The following CRAMP1 variants were observed in gnomAD, a reference collection of about 807,000 sequenced individuals.
CRAMP1 encodes the protein protein cramped-like.
Under a neutral mutation model 115.4 loss-of-function variants are expected in CRAMP1, and 50 were observed. That is an observed-to-expected ratio of 0.43 (90% CI 0.35 to 0.55). The LOEUF is 0.55. Among genes scored for constraint, CRAMP1 ranks in the 20% least tolerant of loss-of-function variants. The pLI, the probability that CRAMP1 is intolerant of heterozygous loss-of-function variation, is 0.01. For synonymous variants in CRAMP1, 866 were observed against 745.4 expected (o/e 1.16, Z -2.64); for missense variants, 1,679 against 1,721.7 (o/e 0.98, Z 0.44).
chr16:1,649,456 G>C (rs1294562215), intron 6 of CRAMP1, among the ~76,000 whole-genome samples: 1 of 145,698 alleles, frequency 6.9e-6, no homozygotes, highest in Non-Finnish European at 1.5e-5. Flanking sequence ...TGCCAATTGG[G>C]ACCTCACTGT....
In CRAMP1 at chr16:1,671,707, G is replaced by A. The variant is rs1279972430; in HGVS notation, c.3645+898G>A. 2.0e-5 allele frequency among the ~76,000 whole-genome samples: 3 copies of A among 152,288 alleles called. No homozygotes were observed. The highest frequency in any genetic ancestry group is 1.9e-4 in the East Asian group (1 of 5,170). ...TTGGCAGGTGTTCCTTGAGGATTTT[G>A]TGGGTAGATACTTGAGGGACACCCT... is the stretch of plus-strand genomic sequence containing the variant. On this transcript the variant is annotated intron_variant, in intron 20 of 20. Transcript: ENST00000397412. This position sits in a 1 kb window ranked among gnomAD's most constrained non-coding sequence, Gnocchi z 5.0.
At chr16:1,659,076 G>A (rs146114173) in intron 10 of CRAMP1, among the ~76,000 whole-genome samples, 6 of 152,320 alleles carry the variant, frequency 3.9e-5, no homozygotes, top group African/African-American at 1.4e-4. Context: ...AACCCCCAAA[G>A]TTGGGCTTCA....
At chr16:1,664,843 A>G (rs2036860314) in intron 13 of CRAMP1, among the ~76,000 whole-genome samples, 1 of 151,304 alleles carries the variant, frequency 6.6e-6, no homozygotes, top group Non-Finnish European at 1.5e-5. Context: ...GGGTTTGATT[A>G]CCTGGGTTTG....
chr16:1,627,903 A>G (rs1163534285), intron 3 of CRAMP1, among the ~76,000 whole-genome samples: 1 of 152,154 alleles, frequency 6.6e-6, no homozygotes, highest in Admixed American at 6.5e-5. Context: ...GCCTGAAACA[A>G]TTACTCCTGT....
At chr16:1,612,859 C>T (rs1203636314) in intron 1 of CRAMP1, among the ~76,000 whole-genome samples, 3 of 152,130 alleles carry the variant, frequency 2.0e-5, no homozygotes, top group South Asian at 2.1e-4. Flanking sequence ...GAGACTGCGC[C>T]TCCGAGAAAA....
intron 8 of CRAMP1, 112 bp downstream of exon 8, chr16:1,653,268 C>A: frequency 7.8e-7 from 1 of 1,274,940 alleles, no homozygotes; most frequent in Non-Finnish European, 1.1e-6. Context: ...CACCCCTATG[C>A]TCTGTCATCA....
rs1274815673 is a variant in CRAMP1 at position 1,614,020 on chromosome 16, G to C, written c.-1-619G>C. Reference sequence around the variant, plus strand: ...CGAGCCCGCGCTTCTCCCGTCCCGGGGTGGATCCGGCCTCCTCTGTCCTCC... The same window carrying C: ...CGAGCCCGCGCTTCTCCCGTCCCGGCGTGGATCCGGCCTCCTCTGTCCTCC... On this transcript the variant is annotated intron_variant, in intron 1 of 20. Transcript: ENST00000397412. The surrounding 1 kb of genome is among the most constrained non-coding windows in gnomAD (Gnocchi z 4.4). 6.6e-6 allele frequency among the ~76,000 whole-genome samples: 1 copy of C among 151,692 alleles called. No homozygotes were observed. Among genetic ancestry groups the C allele is most frequent in the Non-Finnish European group, 1.5e-5 (1 of 67,868 alleles).
chr16:1,653,826 A>G (rs2036745661), intron 8 of CRAMP1, among the ~76,000 whole-genome samples: 1 of 147,332 alleles, frequency 6.8e-6, no homozygotes, highest in South Asian at 2.2e-4. Flanking sequence ...GTCTCAAAAA[A>G]AAAAAAAAAA....
At chr16:1,660,692 G>T (rs190018448) in intron 11 of CRAMP1, among the ~76,000 whole-genome samples, 75 of 152,332 alleles carry the variant, frequency 4.9e-4, no homozygotes, top group African/African-American at 1.8e-3. Flanking sequence ...GGTTAGAATG[G>T]TGAATTTTTA....
intron 2 of CRAMP1, 82 bp from the exon 3 acceptor site, chr16:1,625,891 C>T (rs2036504057): frequency 2.9e-6 from 4 of 1,381,466 alleles, no homozygotes; most frequent in Non-Finnish European, 4.0e-6. Context: ...GGGCAGTGGG[C>T]CCTTCCCTCC....
rs934684496 is a variant in CRAMP1 at position 1,670,770 on chromosome 16, G to A, written c.3606G>A (p.Arg1202=). 6 of 1,613,998 alleles carry A rather than the reference G, an allele frequency of 3.7e-6. No individual in the cohort carries two copies. Among genetic ancestry groups the A allele is most frequent in the Non-Finnish European group, 5.1e-6 (6 of 1,179,890 alleles). Residue 1202 remains arginine, a synonymous_variant, in exon 20 of 21, where the codon CGG becomes CGA. Coordinates refer to ENST00000397412, the MANE Select transcript of CRAMP1 (RefSeq NM_020825.4). ...LGPSLLDGNS[R]DSFVSRSLAD... ...CCAGCTTGTTGGATGGAAACTCGCG[G>A]GACTCATTTGTGTCCAGGTCCCTGG...
chr16:1,626,211 C>T, intron 3 of CRAMP1, 45 bp downstream of exon 3: 4 of 1,424,302 alleles, frequency 2.8e-6, no homozygotes, highest in Non-Finnish European at 3.7e-6. Flanking sequence ...GGGCGTCCCT[C>T]TCGGATCCCT....
rs1304294111 is a variant in CRAMP1, at chr16:1,672,402, T to C, written c.3646-1479T>C. ...TATGTTTCTCAGCAGGTCCTCGTCA[T>C]CTGGAAGGATGGGCTGAGGCATTTG... On this transcript the variant is annotated intron_variant, in intron 20 of 20. Coordinates refer to ENST00000397412, the MANE Select transcript of CRAMP1 (RefSeq NM_020825.4). The surrounding 1 kb of genome is among the most constrained non-coding windows in gnomAD (Gnocchi z 4.9). Among the ~76,000 whole-genome samples, 2 of 151,806 alleles carry C rather than the reference T, an allele frequency of 1.3e-5. No homozygotes were observed. The highest frequency in any genetic ancestry group is 1.3e-4 in the Admixed American group (2 of 15,240).
intron 6 of CRAMP1, among the ~76,000 whole-genome samples, chr16:1,648,849 G>A (rs1282827579): frequency 3.3e-5 from 5 of 152,132 alleles, no homozygotes; most frequent in Non-Finnish European, 7.3e-5. Flanking sequence ...ACGAGGTCAG[G>A]AGATCGAGAC....
Position 1,651,085 on chromosome 16 carries a change from A to G in CRAMP1, c.828-1411A>G, listed in dbSNP as rs778342590. On this transcript the variant is annotated intron_variant, in intron 6 of 20. Coordinates refer to ENST00000397412, the MANE Select transcript of CRAMP1 (RefSeq NM_020825.4). Reference sequence around the variant, plus strand: ...ACAGAGGTCACGGAGAAGTGGACTGAGAGGTCACAGAGAGGAGGACTCAGA... The same window carrying G: ...ACAGAGGTCACGGAGAAGTGGACTGGGAGGTCACAGAGAGGAGGACTCAGA... Among the ~76,000 whole-genome samples the G allele has an allele frequency of 3.6e-4, 54 of 151,922 alleles. 1 individual carries two copies. The highest frequency in any genetic ancestry group is 5.4e-4 in the Non-Finnish European group (37 of 67,950).
At chr16:1,627,097 G>A (rs2036514220) in intron 3 of CRAMP1, among the ~76,000 whole-genome samples, 1 of 152,094 alleles carries the variant, frequency 6.6e-6, no homozygotes, top group Non-Finnish European at 1.5e-5. Flanking sequence ...ACTTTAGACT[G>A]CTTCTTTGGC....
intron 6 of CRAMP1, among the ~76,000 whole-genome samples, chr16:1,648,656 T>C (rs1338099708): frequency 1.3e-5 from 2 of 151,590 alleles, no homozygotes; most frequent in African/African-American, 4.9e-5. Context: ...TTTTGACCAA[T>C]GTTTCCCCTG....
intron 2 of CRAMP1, chr16:1,620,632 G>A (rs141940158): frequency 1.6e-4 from 74 of 457,070 alleles, no homozygotes; most frequent in Middle Eastern, 6.5e-4. Context: ...GACCTCTCAC[G>A]TCCAGACAGA....
At position 1,639,604 on chromosome 16, in the gene CRAMP1, G is replaced by A. The variant is rs574151027; in HGVS notation, c.779-1535G>A. On this transcript the variant is annotated intron_variant, in intron 5 of 20. Transcript: ENST00000397412. ...AGGAAGACTTGGCCCCAGTCTTGGG[G>A]AAGACTTTTTAGACTTTTTCAAACC... Among the ~76,000 whole-genome samples, 19 of 152,258 alleles carry A rather than the reference G, an allele frequency of 1.2e-4. No homozygotes were observed. In the South Asian group the frequency reaches 2.1e-3, roughly 17 times the overall value.
Sources: allele counts gnomAD v4.1 joint callset (sites outside exome capture counted in the v4.1 genomes callset), GRCh38; gene constraint gnomAD v4.1.1; non-coding constraint Gnocchi (gnomAD v3.1); transcripts MANE v1.5; gene names NCBI Gene and HGNC (gene_info 2026-07-23, HGNC 2026-07-21).